PUS7L: variants seen among roughly 807,000 people sequenced by gnomAD.
PUS7L encodes the protein pseudouridylate synthase PUS7L.
PUS7L carries 49 observed loss-of-function variants against 51.1 expected under a neutral mutation model. That is an observed-to-expected ratio of 0.96 (90% confidence interval 0.76 to 1.22). The LOEUF (loss-of-function observed/expected upper bound fraction) is 1.22. Ranked by LOEUF, PUS7L falls within the 50% of genes most tolerant of loss-of-function variation. PUS7L has a pLI of 0.00. For missense variants in PUS7L, 828 were observed against 820.6 expected (o/e 1.01, Z -0.11); for synonymous variants, 277 against 276.2 (o/e 1.00, Z -0.03).
intron 4 of PUS7L, among the ~76,000 whole-genome samples, chr12:43,744,043 T>C (rs1938044560): frequency 6.6e-6 from 1 of 152,192 alleles, no homozygotes; most frequent in Non-Finnish European, 1.5e-5. Flanking sequence ...ACTAAGATTG[T>C]TTCTAATGGG....
At position 43,758,671 on chromosome 12, in the gene PUS7L, ACAC is replaced by A. The variant is rs1565652568; in HGVS notation, c.-17+56_-17+58del. 37 of 402,486 alleles carry A rather than the reference ACAC, an allele frequency of 9.2e-5. No homozygotes were observed. The East Asian group carries it at 0.011, about 121-fold the overall frequency. 24.9% of individuals were successfully genotyped at this position (402,486 alleles called of 1,614,324 possible). A position where few individuals can be genotyped will look rare whatever the true frequency, so the allele number is the denominator to read the frequency against. ...ACCTCGTCACCCCCCCCCCCCACAC[ACAC>A]ACACACACACACACATACAAGCCCA... On this transcript the variant is annotated intron_variant, in intron 1 of 8. Transcript: ENST00000344862.
At chr12:43,732,213 G>C (rs2137664484) in intron 7 of PUS7L, among the ~76,000 whole-genome samples, 1 of 151,806 alleles carries the variant, frequency 6.6e-6, no homozygotes. Context: ...TCAGTGCTTT[G>C]GGAGGATCGC....
intron 8 of PUS7L, among the ~76,000 whole-genome samples, chr12:43,730,979 A>G (rs1000402656): frequency 2.0e-5 from 3 of 152,228 alleles, no homozygotes; most frequent in African/African-American, 7.2e-5. Context: ...GTTTAGGTAC[A>G]CTTAATTAGC....
At position 43,748,400 on chromosome 12, in the gene PUS7L, T is replaced by C. The variant is rs371280389; in HGVS notation, c.1070+50A>G. 3.1e-5 allele frequency: 42 copies of C among 1,333,508 alleles called. No homozygotes were observed. The East Asian group carries it at 3.5e-4, about 11-fold the overall frequency. 82.6% of individuals were successfully genotyped at this position (1,333,508 alleles called of 1,614,324 possible). On this transcript the variant is annotated intron_variant, in intron 3 of 8. Transcript: ENST00000344862. Reference sequence around the variant, plus strand: ...TTAGAAACCATTTAGACAATTTAAATCTTCCACTTCTCAAAGTTTCTATCC... The same window carrying C: ...TTAGAAACCATTTAGACAATTTAAACCTTCCACTTCTCAAAGTTTCTATCC...
chr12:43,732,328 T>C (rs2137665010), intron 7 of PUS7L, among the ~76,000 whole-genome samples: 1 of 152,072 alleles, frequency 6.6e-6, no homozygotes, highest in Non-Finnish European at 1.5e-5. Context: ...ATGCCTGTAG[T>C]GCTAGCTACA....
chr12:43,731,870 C>A lies in PUS7L; in HGVS notation c.1726-112G>T, dbSNP rs377202286. On this transcript the variant is annotated intron_variant, in intron 7 of 8. Coordinates refer to ENST00000344862, the MANE Select transcript of PUS7L (RefSeq NM_031292.5). ...TAAATCAGTTCCTATGCTGAATATA[C>A]ATAAACCCAAACAAGATCTTATCAT... 4.6e-6 allele frequency: 3 copies of A among 647,326 alleles called. No homozygotes were observed. The African/African-American group carries it at 5.7e-5, about 12-fold the overall frequency. 40.1% of individuals were successfully genotyped at this position (647,326 alleles called of 1,614,324 possible).
At chr12:43,742,418 G>T in intron 5 of PUS7L, 39 bp downstream of exon 5, 2 of 1,420,336 alleles carry the variant, frequency 1.4e-6, no homozygotes, top group South Asian at 2.4e-5. Flanking sequence ...AAGTATAATT[G>T]ACAGAAACAG....
At chr12:43,741,488 T>G (rs1020615541) in intron 5 of PUS7L, among the ~76,000 whole-genome samples, 4 of 152,228 alleles carry the variant, frequency 2.6e-5, no homozygotes, top group Admixed American at 6.5e-5. Flanking sequence ...ATGGCAGAAC[T>G]CAAGTAGAAC....
chr12:43,742,631 C>A, intron 4 of PUS7L, 76 bp from the exon 5 acceptor site: 1 of 1,462,178 alleles, frequency 6.8e-7, no homozygotes, highest in Non-Finnish European at 9.1e-7. Context: ...TTGAATTTTT[C>A]TCTTCATAAT....
At chr12:43,754,276 T>C in intron 2 of PUS7L, 60 bp downstream of exon 2, 1 of 1,181,274 alleles carries the variant, frequency 8.5e-7, no homozygotes, top group Admixed American at 2.3e-5. Context: ...CAATTCATTT[T>C]CACAATTTTA....
At chr12:43,747,465 G>A (rs894660777) in intron 3 of PUS7L, among the ~76,000 whole-genome samples, 6 of 151,996 alleles carry the variant, frequency 3.9e-5, no homozygotes, top group South Asian at 2.1e-4. Flanking sequence ...AGGCTGAGGC[G>A]GGTGGATCAT....
intron 4 of PUS7L, among the ~76,000 whole-genome samples, chr12:43,745,087 T>A (rs901089339): frequency 6.6e-6 from 1 of 151,964 alleles, no homozygotes; most frequent in African/African-American, 2.4e-5. Context: ...TTCCATACAA[T>A]GGCAGTAGAT....
intron 1 of PUS7L, chr12:43,758,404 A>C: frequency 1.0e-6 from 1 of 985,374 alleles, no homozygotes; most frequent in African/African-American, 1.7e-5. Flanking sequence ...TGGTTGAGGA[A>C]TTCGTTGGCG....
chr12:43,745,960 A>G lies in PUS7L; in HGVS notation c.1263+86T>C, dbSNP rs1020293727. Reference sequence around the variant, plus strand: ...AAAATCCCATAAAAAGGTACAAAAGAAAAAGAAGTTTCCCCTCTTGCCTCA... The same window carrying G: ...AAAATCCCATAAAAAGGTACAAAAGGAAAAGAAGTTTCCCCTCTTGCCTCA... On this transcript the variant is annotated intron_variant, in intron 4 of 8. Transcript: ENST00000344862. The G allele has an allele frequency of 8.3e-6, 5 of 605,668 alleles. No homozygotes were observed. The South Asian group carries it at 9.2e-5, about 11-fold the overall frequency. 37.5% of individuals were successfully genotyped at this position (605,668 alleles called of 1,614,324 possible).
intron 4 of PUS7L, among the ~76,000 whole-genome samples, chr12:43,743,071 T>C (rs894936260): frequency 1.3e-5 from 2 of 152,224 alleles, no homozygotes; most frequent in Non-Finnish European, 2.9e-5. Context: ...ATGGAGCCAC[T>C]TCAGCAGTAC....
chr12:43,732,259 T>G (rs781209784), intron 7 of PUS7L, among the ~76,000 whole-genome samples: 1 of 151,856 alleles, frequency 6.6e-6, no homozygotes, highest in Admixed American at 6.6e-5. Context: ...ATGGACAACA[T>G]AGGGAAATCC....
Position 43,755,125 on chromosome 12 carries a change from C to A in PUS7L, c.121G>T (p.Glu41Ter). Residue 41 changes from glutamate to a stop codon, truncating the protein, a stop_gained, in exon 2 of 9, where the codon GAA (glutamate) becomes TAA (stop). Transcript: ENST00000344862. LOFTEE classifies it high-confidence loss of function. ...PSDFIVIEID[E>*]QGQLVNKTID... ...GTCTTATTAACTAACTGTCCCTGTTCATCAATTTCAATAACAATAAAGTCA... is the reference window on the plus strand; with the variant it reads ...GTCTTATTAACTAACTGTCCCTGTTAATCAATTTCAATAACAATAAAGTCA... 6.2e-7 allele frequency: 1 copy of A among 1,613,534 alleles called. No individual in the cohort carries two copies.
At chr12:43,741,150 T>C (rs1383145176) in intron 5 of PUS7L, 1 of 152,196 alleles carries the variant, frequency 6.6e-6, no homozygotes, top group Non-Finnish European at 1.5e-5. Flanking sequence ...TTCAAGAGCA[T>C]GTAATATGAG....
At chr12:43,741,125 A>T (rs1937879585) in intron 5 of PUS7L, 1 of 152,244 alleles carries the variant, frequency 6.6e-6, no homozygotes, top group Non-Finnish European at 1.5e-5. Flanking sequence ...CTACTAAAGC[A>T]AAATTTTTTA....
Sources: gnomAD v4.1 joint callset for allele counts (sites outside exome capture counted in the v4.1 genomes callset) on GRCh38, gnomAD v4.1.1 for gene constraint, MANE v1.5 for transcripts, NCBI Gene and HGNC (gene_info 2026-07-23, HGNC 2026-07-21) for gene names.